The following EPB41L4A variants were observed in gnomAD, a reference collection of about 807,000 sequenced individuals.
EPB41L4A encodes erythrocyte membrane protein band 4.1 like 4A.
Under a neutral mutation model 108.6 loss-of-function variants are expected in EPB41L4A, and 100 were observed. The ratio of observed to expected loss-of-function variants is 0.92; its 90% CI spans 0.78 to 1.09. The LOEUF is 1.09. EPB41L4A is among the 50% of genes least tolerant of loss of function. The pLI is 0.00. For synonymous variants in EPB41L4A, 319 were observed against 289.0 expected (o/e 1.10, Z -1.05); for missense variants, 1,030 against 842.7 (o/e 1.22, Z -2.75).
intron 1 of EPB41L4A, among the ~76,000 whole-genome samples, chr5:112,389,321 C>T (rs978368333): frequency 6.6e-6 from 1 of 152,198 alleles, no homozygotes; most frequent in Non-Finnish European, 1.5e-5. Context: ...TAGGAGGCCA[C>T]TGTTTTGGAC....
At chr5:112,200,259 C>T (rs969448642) in intron 15 of EPB41L4A, among the ~76,000 whole-genome samples, 12 of 152,118 alleles carry the variant, frequency 7.9e-5, no homozygotes, top group South Asian at 2.1e-4. Flanking sequence ...CAGATCCTGG[C>T]GCAAGCATCC....
rs912554082 is a variant in EPB41L4A at position 112,162,789 on chromosome 5, A to G, written c.*2201T>C. 6.6e-6 allele frequency: 1 copy of G among 152,234 alleles called. No individual in the cohort carries two copies. The highest frequency in any genetic ancestry group is 1.5e-5 in the Non-Finnish European group (1 of 68,028). 9.4% of individuals were successfully genotyped at this position (152,234 alleles called of 1,614,324 possible). ...TCCGTGATAGGATTTTCTTAGGGAA[A>G]CCTGAGAAAGAGTTGAGACTAAAGG... On this transcript the variant is annotated 3_prime_UTR_variant, in exon 23 of 23. Transcript: ENST00000261486.
chr5:112,391,426 T>A (rs1580814312), intron 1 of EPB41L4A, among the ~76,000 whole-genome samples: 1 of 152,190 alleles, frequency 6.6e-6, no homozygotes, highest in African/African-American at 2.4e-5. Context: ...AAGAACTACA[T>A]GACGCATGTA....
At chr5:112,402,405 G>A (rs1761822611) in intron 1 of EPB41L4A, among the ~76,000 whole-genome samples, 2 of 151,974 alleles carry the variant, frequency 1.3e-5, no homozygotes, top group Non-Finnish European at 2.9e-5. Flanking sequence ...CCAAAACAGA[G>A]GAATGCCTGT....
At chr5:112,325,021 G>T (rs1756053412) in intron 1 of EPB41L4A, among the ~76,000 whole-genome samples, 1 of 152,156 alleles carries the variant, frequency 6.6e-6, no homozygotes, top group Non-Finnish European at 1.5e-5. Flanking sequence ...AAATAAAAGT[G>T]CCAGGTATAC....
intron 1 of EPB41L4A, among the ~76,000 whole-genome samples, chr5:112,329,139 T>G (rs1373572606): frequency 6.6e-6 from 1 of 152,198 alleles, no homozygotes; most frequent in Non-Finnish European, 1.5e-5. Context: ...ACTATAAATA[T>G]AAAATACACA....
At chr5:112,276,550 GTTAATT>G (rs1160824929) in intron 3 of EPB41L4A, among the ~76,000 whole-genome samples, 1 of 152,134 alleles carries the variant, frequency 6.6e-6, no homozygotes, top group Non-Finnish European at 1.5e-5. Flanking sequence ...GGTTACGGGT[GTTAATT>G]TTGTTTTCCA....
At chr5:112,401,788 T>G (rs556319048) in intron 1 of EPB41L4A, among the ~76,000 whole-genome samples, 1 of 152,292 alleles carries the variant, frequency 6.6e-6, no homozygotes, top group East Asian at 1.9e-4. Flanking sequence ...CAATGACAGG[T>G]GCATGCAGTA....
intron 1 of EPB41L4A, among the ~76,000 whole-genome samples, chr5:112,336,418 T>G (rs537794724): frequency 1.2e-4 from 19 of 152,310 alleles, no homozygotes; most frequent in Admixed American, 9.1e-4. Context: ...CCTGTGGCAT[T>G]ATTCTTTCCT....
chr5:112,262,606 G>T, intron 6 of EPB41L4A, 25 bp from the exon 7 acceptor site: 2 of 1,596,958 alleles, frequency 1.3e-6, no homozygotes, highest in Non-Finnish European at 1.7e-6. Context: ...AAAACAAAGA[G>T]CCTTATTTTA....
intron 13 of EPB41L4A, 35 bp downstream of exon 13, chr5:112,209,857 T>G: frequency 7.5e-7 from 1 of 1,335,048 alleles, no homozygotes; most frequent in Non-Finnish European, 1.1e-6. Flanking sequence ...TACAACAGCA[T>G]ATAATTGTAC....
At chr5:112,290,769 A>G (rs1580618922) in intron 2 of EPB41L4A, among the ~76,000 whole-genome samples, 1 of 152,304 alleles carries the variant, frequency 6.6e-6, no homozygotes, top group African/African-American at 2.4e-5. Context: ...TAGAAGCTGA[A>G]CATAAATGTA....
rs370300970 is a variant in EPB41L4A at position 112,239,711 on chromosome 5, A to C, written c.914T>G (p.Leu305Arg). Residue 305 changes from leucine to arginine, a missense_variant, in exon 11 of 23, where the codon CTG becomes CGG. Transcript: ENST00000261486. Reference protein sequence around the residue: ...FRMPENESNSLSRKLSKFGSI... With the variant: ...FRMPENESNSRSRKLSKFGSI... ...TCCAAACTTGCTGAGTTTTCTTGACAGTGAATTGGATTCATTTTCTGGCAT... is the reference window on the plus strand; with the variant it reads ...TCCAAACTTGCTGAGTTTTCTTGACCGTGAATTGGATTCATTTTCTGGCAT... 1 of 1,609,604 alleles carries C rather than the reference A, an allele frequency of 6.2e-7. No individual in the cohort carries two copies. Among genetic ancestry groups the C allele is most frequent in the Non-Finnish European group, 8.5e-7 (1 of 1,177,938 alleles).
chr5:112,266,182 A>G lies in EPB41L4A; in HGVS notation c.433+51T>C, dbSNP rs80284139. On this transcript the variant is annotated intron_variant, in intron 5 of 22. Coordinates refer to ENST00000261486, the MANE Select transcript of EPB41L4A (RefSeq NM_022140.5). ...TATGTAAACTCCCTTTTAAAAATGC[A>G]AATACTTTCTCCAGACATTTCTGAG... 3.2e-3 allele frequency: 4,237 copies of G among 1,332,428 alleles called. 110 individuals carry two copies. In the African/African-American group the frequency reaches 0.055, roughly 17 times the overall value. The allele number at this position is 1,332,428 out of a possible 1,614,324, so 82.5% of individuals were successfully genotyped here.
intron 9 of EPB41L4A, among the ~76,000 whole-genome samples, chr5:112,252,379 A>G (rs1003060575): frequency 1.3e-5 from 2 of 152,102 alleles, no homozygotes; most frequent in Non-Finnish European, 2.9e-5. Flanking sequence ...ATCATTTCCT[A>G]GTCAAAGGAA....
intron 9 of EPB41L4A, among the ~76,000 whole-genome samples, chr5:112,253,973 G>A (rs554389428): frequency 2.0e-5 from 3 of 152,202 alleles, no homozygotes; most frequent in South Asian, 2.1e-4. Flanking sequence ...ATCGCTTCCC[G>A]TGTACTCTCC....
At chr5:112,254,282 T>A (rs539097516) in intron 9 of EPB41L4A, among the ~76,000 whole-genome samples, 2 of 152,168 alleles carry the variant, frequency 1.3e-5, no homozygotes, top group Admixed American at 1.3e-4. Flanking sequence ...CACAAAAACA[T>A]TGAATCTGCT....
Position 112,180,764 on chromosome 5 carries a change from T to C in EPB41L4A, c.1622+3252A>G, listed in dbSNP as rs184873095. ...AAAAGCAATGTTAAGAACATGAAAA[T>C]GCAAACCACAGCCTGGGAGAAAGTA... On this transcript the variant is annotated intron_variant, in intron 18 of 22. Coordinates refer to ENST00000261486, the MANE Select transcript of EPB41L4A (RefSeq NM_022140.5). Among the ~76,000 whole-genome samples the C allele has an allele frequency of 1.3e-4, 20 of 151,082 alleles. No individual in the cohort carries two copies. In the East Asian group the frequency reaches 3.7e-3, roughly 28 times the overall value.
intron 9 of EPB41L4A, among the ~76,000 whole-genome samples, chr5:112,255,879 T>G (rs185381527): frequency 2.1e-4 from 32 of 152,152 alleles, no homozygotes; most frequent in Non-Finnish European, 3.4e-4. Context: ...ACTCCTGATC[T>G]TCCTCCTCAA....
Sources: gnomAD v4.1 joint callset for allele counts (sites outside exome capture counted in the v4.1 genomes callset) on GRCh38, gnomAD v4.1.1 for gene constraint, MANE v1.5 for transcripts, NCBI Gene and HGNC (gene_info 2026-07-23, HGNC 2026-07-21) for gene names.